The following CCDC7 variants were observed in gnomAD, a reference collection of about 807,000 sequenced individuals.
The protein encoded by CCDC7 is coiled-coil domain-containing protein 7.
In CCDC7, 183 loss-of-function variants were observed where a neutral mutation model predicts 196.9. The ratio of observed to expected loss-of-function variants is 0.93; its 90% confidence interval spans 0.82 to 1.05. The LOEUF (loss-of-function observed/expected upper bound fraction) is 1.05. CCDC7 is among the 50% of genes least tolerant of loss of function. The probability of loss-of-function intolerance (pLI) is 0.00; values close to 1 mark genes in which losing one functional copy is unlikely to be tolerated. For synonymous variants in CCDC7, 525 were observed against 484.6 expected (o/e 1.08, Z -1.10); for missense variants, 1,540 against 1,482.2 (o/e 1.04, Z -0.64).
chr10:32,803,045 C>T (rs1217879111), intron 29 of CCDC7, among the ~76,000 whole-genome samples: 1 of 152,186 alleles, frequency 6.6e-6, no homozygotes, highest in Non-Finnish European at 1.5e-5. Context: ...ACATTGATAC[C>T]TTGTTTTATT....
chr10:32,733,483 CA>C (rs1222712544), intron 28 of CCDC7, among the ~76,000 whole-genome samples: 2 of 151,934 alleles, frequency 1.3e-5, no homozygotes, highest in Non-Finnish European at 2.9e-5. Context: ...TTGGAGCTAT[CA>C]AAATGGAAAC....
At chr10:32,551,002 A>G (rs1161835755) in intron 13 of CCDC7, among the ~76,000 whole-genome samples, 1 of 152,156 alleles carries the variant, frequency 6.6e-6, no homozygotes, top group Non-Finnish European at 1.5e-5. Context: ...CGTCTGGTAG[A>G]ATTCTGCTGT....
intron 28 of CCDC7, among the ~76,000 whole-genome samples, chr10:32,762,021 A>T (rs11814759): frequency 0.028 from 4,261 of 152,106 alleles, 214 homozygotes; most frequent in African/African-American, 0.097. Flanking sequence ...TGGGAAACTG[A>T]AAAAATATCC....
chr10:32,566,132 T>G (rs1184111490), intron 14 of CCDC7, among the ~76,000 whole-genome samples: 1 of 152,138 alleles, frequency 6.6e-6, no homozygotes, highest in Non-Finnish European at 1.5e-5. Context: ...ACCATCTTGG[T>G]AAAAATGTAA....
chr10:32,841,150 G>A (rs2092947561), intron 33 of CCDC7, among the ~76,000 whole-genome samples: 2 of 151,948 alleles, frequency 1.3e-5, no homozygotes, highest in Non-Finnish European at 2.9e-5. Context: ...CCTAGCCAGA[G>A]CAATCAGACA....
At chr10:32,740,244 T>C (rs1330333123) in intron 28 of CCDC7, among the ~76,000 whole-genome samples, 1 of 152,192 alleles carries the variant, frequency 6.6e-6, no homozygotes, top group Non-Finnish European at 1.5e-5. Context: ...TTCTCTCTGA[T>C]AAAATAGTTT....
At chr10:32,608,173 A>G (rs1196177062) in intron 18 of CCDC7, among the ~76,000 whole-genome samples, 1 of 151,472 alleles carries the variant, frequency 6.6e-6, no homozygotes, top group Non-Finnish European at 1.5e-5. Context: ...TTCATTTCTG[A>G]TTTCATTTGG....
intron 28 of CCDC7, among the ~76,000 whole-genome samples, chr10:32,761,448 T>G (rs1392839636): frequency 6.6e-6 from 1 of 152,016 alleles, no homozygotes; most frequent in East Asian, 1.9e-4. Flanking sequence ...CTTTGATACC[T>G]TAACATACTT....
intron 9 of CCDC7, among the ~76,000 whole-genome samples, chr10:32,507,234 G>A (rs780942446): frequency 9.2e-5 from 14 of 151,812 alleles, no homozygotes; most frequent in South Asian, 2.1e-4. Context: ...CTTGTGATCC[G>A]CCCACCATGG....
At chr10:32,765,352 G>C (rs572564087) in intron 28 of CCDC7, among the ~76,000 whole-genome samples, 39 of 151,948 alleles carry the variant, frequency 2.6e-4, no homozygotes, top group Non-Finnish European at 4.3e-4. Context: ...CCACTGGAAA[G>C]GAAACTATGG....
chr10:32,483,845 A>G (rs1372104226), intron 8 of CCDC7, among the ~76,000 whole-genome samples: 2 of 151,762 alleles, frequency 1.3e-5, no homozygotes, highest in East Asian at 2.0e-4. Flanking sequence ...ATTCTGTTCC[A>G]TTGGTCTATA....
intron 20 of CCDC7, among the ~76,000 whole-genome samples, chr10:32,654,581 A>G (rs1577371): frequency 6.6e-6 from 1 of 152,264 alleles, no homozygotes; most frequent in Admixed American, 6.5e-5. Context: ...CTTAGTGATC[A>G]GCTAATGACT....
intron 24 of CCDC7, among the ~76,000 whole-genome samples, chr10:32,709,886 C>T (rs201859054): frequency 2.6e-5 from 3 of 113,820 alleles, no homozygotes; most frequent in Non-Finnish European, 4.2e-5. Context: ...CTCTCACTCT[C>T]GTCATTGACT....
downstream of CCDC7, among the ~76,000 whole-genome samples, chr10:32,879,374 A>C (rs1476931839): frequency 6.6e-6 from 1 of 152,144 alleles, no homozygotes; most frequent in Non-Finnish European, 1.5e-5. Flanking sequence ...AGCAGCATCC[A>C]TGATTTGAAG....
intron 21 of CCDC7, among the ~76,000 whole-genome samples, chr10:32,664,994 A>G (rs2072334625): frequency 6.6e-6 from 1 of 151,924 alleles, no homozygotes; most frequent in African/African-American, 2.4e-5. Flanking sequence ...TCTTTTTGAT[A>G]ATAGTTACTT....
intron 33 of CCDC7, among the ~76,000 whole-genome samples, chr10:32,836,398 A>T (rs886704200): frequency 6.6e-6 from 1 of 151,570 alleles, no homozygotes; most frequent in Non-Finnish European, 1.5e-5. Flanking sequence ...CATCCAAAAT[A>T]TCCAAAATAT....
At chr10:32,728,954 G>T (rs1021822791) in exon 27 of CCDC7, 1 of 1,608,294 alleles carries the variant, frequency 6.2e-7, no homozygotes, top group East Asian at 2.2e-5. Context: ...AACTCCAAAT[G>T]CAAGAAAAGA....
At chr10:32,478,656 T>C (rs1218107438) in intron 8 of CCDC7, among the ~76,000 whole-genome samples, 2 of 152,138 alleles carry the variant, frequency 1.3e-5, no homozygotes, top group Admixed American at 1.3e-4. Context: ...GAATAACCCA[T>C]TTGGTTGTGT....
At chr10:32,858,210 GA>G (rs1360184688) in intron 41 of CCDC7, among the ~76,000 whole-genome samples, 1 of 152,090 alleles carries the variant, frequency 6.6e-6, no homozygotes, top group Non-Finnish European at 1.5e-5. Context: ...TGAATACTAC[GA>G]AACATTCACA....
Sources: allele counts gnomAD v4.1 joint callset (sites outside exome capture counted in the v4.1 genomes callset), GRCh38; gene constraint gnomAD v4.1.1; transcripts MANE v1.5; gene names NCBI Gene and HGNC (gene_info 2026-07-23, HGNC 2026-07-21).